The following PTPRD variants were observed in gnomAD, a reference collection of about 807,000 sequenced individuals.
PTPRD encodes receptor-type tyrosine-protein phosphatase delta.
A neutral mutation model predicts 214.5 loss-of-function variants in PTPRD; 34 were observed. The observed-to-expected ratio is 0.16, with a 90% confidence interval of 0.12 to 0.21. The LOEUF (loss-of-function observed/expected upper bound fraction) is 0.21. PTPRD is among the 10% of genes least tolerant of loss of function. The pLI, the probability that PTPRD is intolerant of heterozygous loss-of-function variation, is 1.00. For missense variants in PTPRD, 2,545 were observed against 2,398.7 expected (o/e 1.06, Z -1.27); for synonymous variants, 1,128 against 845.7 (o/e 1.33, Z -5.79).
At chr9:8,859,255 C>T (rs1272630173) in intron 11 of PTPRD, among the ~76,000 whole-genome samples, 1 of 152,206 alleles carries the variant, frequency 6.6e-6, no homozygotes, top group South Asian at 2.1e-4. Context: ...CTGAAGGACA[C>T]TATAACACCT....
intron 35 of PTPRD, among the ~76,000 whole-genome samples, chr9:8,412,367 C>G (rs2093600998): frequency 6.6e-6 from 1 of 152,128 alleles, no homozygotes; most frequent in Non-Finnish European, 1.5e-5. Flanking sequence ...CAATGTGCAG[C>G]ATTAAACACT....
intron 9 of PTPRD, among the ~76,000 whole-genome samples, chr9:9,227,690 T>C (rs1040437166): frequency 3.9e-5 from 6 of 152,076 alleles, no homozygotes; most frequent in Admixed American, 3.3e-4. Context: ...TGGGGGAAGC[T>C]AGATCACCAA....
In PTPRD at chr9:8,949,509, G is replaced by A. The variant is rs537464032; in HGVS notation, c.-104+69188C>T. On this transcript the variant is annotated intron_variant, in intron 11 of 45. Transcript: ENST00000381196. ...TAATAATCACTTCCATTTACATAACGCCTTTGAAAGGTCCCTAGAAACTCG... is the reference window on the plus strand; with the variant it reads ...TAATAATCACTTCCATTTACATAACACCTTTGAAAGGTCCCTAGAAACTCG... 0.01 allele frequency among the ~76,000 whole-genome samples: 134 copies of A among 12,846 alleles called. 1 individual carries two copies. The Non-Finnish European group carries it at 0.14, about 13-fold the overall frequency. The allele number at this position is 12,846 out of a possible 152,430, so 8.4% of individuals were successfully genotyped here.
chr9:10,206,110 CAA>C (rs111832856), intron 3 of PTPRD, among the ~76,000 whole-genome samples: 62 of 134,576 alleles, frequency 4.6e-4, no homozygotes, highest in African/African-American at 8.9e-4. Context: ...AATTGTATCT[CAA>C]AAAAAAAAAA....
chr9:8,948,438 TAC>T (rs1376551357), intron 11 of PTPRD, among the ~76,000 whole-genome samples: 930 of 5,588 alleles, frequency 0.17, 139 homozygotes, highest in South Asian at 0.3. Flanking sequence ...TATATATATT[TAC>T]ATATATATAT....
chr9:9,801,182 A>C (rs112310208), intron 5 of PTPRD, among the ~76,000 whole-genome samples: 4 of 152,076 alleles, frequency 2.6e-5, no homozygotes, highest in Admixed American at 2.0e-4. Context: ...GACAAATATA[A>C]AAGCAATTTT....
chr9:8,902,223 G>A (rs908816424), intron 11 of PTPRD, among the ~76,000 whole-genome samples: 1 of 152,154 alleles, frequency 6.6e-6, no homozygotes. Context: ...GCTACTCAAA[G>A]TGTTGTTGGT....
chr9:9,801,085 A>C (rs2099036779), intron 5 of PTPRD, among the ~76,000 whole-genome samples: 1 of 152,140 alleles, frequency 6.6e-6, no homozygotes, highest in Non-Finnish European at 1.5e-5. Flanking sequence ...AAAGAATCAG[A>C]CACTTATTTA....
rs140012712 is a variant in PTPRD at position 8,792,730 on chromosome 9, C to T, written c.-103-58784G>A. ...ATTTAACTATTGATAGAAGAAGACG[C>T]AAAAGCCTCCACTAGAGGTAAAGAC... is the stretch of plus-strand genomic sequence containing the variant. On this transcript the variant is annotated intron_variant, in intron 11 of 45. Coordinates refer to ENST00000381196, the MANE Select transcript of PTPRD (RefSeq NM_002839.4). Among the ~76,000 whole-genome samples the T allele has an allele frequency of 8.5e-5, 13 of 152,236 alleles. No individual in the cohort carries two copies. The East Asian group carries it at 2.5e-3, about 29-fold the overall frequency.
intron 14 of PTPRD, among the ~76,000 whole-genome samples, chr9:8,547,831 T>A (rs1371989483): frequency 6.6e-6 from 1 of 152,216 alleles, no homozygotes; most frequent in Non-Finnish European, 1.5e-5. Flanking sequence ...TTACATTACT[T>A]GCAGAAAATT....
At chr9:8,869,373 C>T (rs1006650351) in intron 11 of PTPRD, among the ~76,000 whole-genome samples, 1 of 152,166 alleles carries the variant, frequency 6.6e-6, no homozygotes, top group Non-Finnish European at 1.5e-5. Flanking sequence ...TATCCACACT[C>T]TATTAGTTAA....
At chr9:9,441,863 T>G (rs1383601288) in intron 8 of PTPRD, among the ~76,000 whole-genome samples, 1 of 152,238 alleles carries the variant, frequency 6.6e-6, no homozygotes, top group Non-Finnish European at 1.5e-5. Context: ...ATAAAATTGC[T>G]TCTGCTGAAA....
intron 3 of PTPRD, among the ~76,000 whole-genome samples, chr9:10,094,806 T>C (rs1311626182): frequency 6.6e-6 from 1 of 151,472 alleles, no homozygotes; most frequent in Non-Finnish European, 1.5e-5. Context: ...AAAAAATGTT[T>C]TGACAACCAA....
chr9:8,582,414 C>G (rs957692979), intron 14 of PTPRD, among the ~76,000 whole-genome samples: 1 of 152,146 alleles, frequency 6.6e-6, no homozygotes, highest in Admixed American at 6.5e-5. Context: ...TTTGACTACA[C>G]TAAAATTAGG....
intron 9 of PTPRD, among the ~76,000 whole-genome samples, chr9:9,323,289 T>C (rs1158794656): frequency 1.3e-5 from 2 of 152,128 alleles, no homozygotes; most frequent in Admixed American, 6.5e-5. Flanking sequence ...AAATCGATAA[T>C]AATGCTTACA....
chr9:9,814,816 T>C lies in PTPRD; in HGVS notation c.-367-47965A>G, dbSNP rs75278765. 2.6e-3 allele frequency among the ~76,000 whole-genome samples: 316 copies of C among 122,792 alleles called. 2 individuals are homozygous for C. The highest frequency in any genetic ancestry group is 6.5e-3 in the East Asian group (29 of 4,466). 80.6% of individuals were successfully genotyped at this position (122,792 alleles called of 152,430 possible). A position where few individuals can be genotyped will look rare whatever the true frequency, so the allele number is the denominator to read the frequency against. Reference sequence around the variant, plus strand: ...GTGACTTTTTTTTTTTTTTTTTTTTTCGATACAGAATTTCACTCTGTCACA... The same window carrying C: ...GTGACTTTTTTTTTTTTTTTTTTTTCCGATACAGAATTTCACTCTGTCACA... On this transcript the variant is annotated intron_variant, in intron 5 of 45. Coordinates refer to ENST00000381196, the MANE Select transcript of PTPRD (RefSeq NM_002839.4).
At chr9:9,523,776 TTCTC>T (rs932954085) in intron 8 of PTPRD, among the ~76,000 whole-genome samples, 1 of 152,170 alleles carries the variant, frequency 6.6e-6, no homozygotes, top group African/African-American at 2.4e-5. Flanking sequence ...TACTCTGCTT[TTCTC>T]TCTATTTTAC....
chr9:8,768,478 CAGA>C (rs1599181662), intron 11 of PTPRD, among the ~76,000 whole-genome samples: 1 of 152,040 alleles, frequency 6.6e-6, no homozygotes, highest in African/African-American at 2.4e-5. Flanking sequence ...CTCTTGAGCC[CAGA>C]GGAGGAGGCT....
intron 11 of PTPRD, among the ~76,000 whole-genome samples, chr9:8,883,174 T>C (rs758867647): frequency 7.2e-5 from 11 of 152,176 alleles, no homozygotes; most frequent in Admixed American, 2.0e-4. Flanking sequence ...TAATTCTAAT[T>C]CCACAACAAT....
Sources: allele counts gnomAD v4.1 joint callset (sites outside exome capture counted in the v4.1 genomes callset), GRCh38; gene constraint gnomAD v4.1.1; transcripts MANE v1.5; gene names NCBI Gene and HGNC (gene_info 2026-07-23, HGNC 2026-07-21).